NCAM2: variants seen among roughly 807,000 people sequenced by gnomAD.
NCAM2 encodes the protein N-CAM-2.
A neutral mutation model predicts 98.1 loss-of-function variants in NCAM2; 30 were observed. The ratio of observed to expected loss-of-function variants is 0.31; its 90% CI spans 0.23 to 0.41. NCAM2 has a LOEUF of 0.41. NCAM2 is among the 10% of genes least tolerant of loss of function. The pLI is 1.00. For synonymous variants in NCAM2, 368 were observed against 342.4 expected, an observed-to-expected ratio of 1.07 and a Z score of -0.83; for missense variants, 867 against 1,005.8, an observed-to-expected ratio of 0.86 and a Z score of 1.87.
chr21:21,494,117 C>A (rs2146315623), intron 15 of NCAM2, among the ~76,000 whole-genome samples: 1 of 151,884 alleles, frequency 6.6e-6, no homozygotes, highest in Non-Finnish European at 1.5e-5. Flanking sequence ...TACGTATCTT[C>A]TGTGTATTTG....
chr21:21,425,531 C>T (rs953390458), intron 11 of NCAM2, among the ~76,000 whole-genome samples: 3 of 151,828 alleles, frequency 2.0e-5, no homozygotes, highest in African/African-American at 7.3e-5. Context: ...AAATAATTTC[C>T]ATTGATATCT....
chr21:21,226,436 A>G (rs2070386518), intron 1 of NCAM2, among the ~76,000 whole-genome samples: 2 of 152,106 alleles, frequency 1.3e-5, no homozygotes, highest in African/African-American at 4.8e-5. Context: ...AGTAAACACA[A>G]CTAAGAATAA....
chr21:21,056,490 CTGTGTGTGTG>C (rs10685980), intron 1 of NCAM2, among the ~76,000 whole-genome samples: 3 of 138,352 alleles, frequency 2.2e-5, no homozygotes, highest in African/African-American at 8.2e-5. Flanking sequence ...AGAGATATGT[CTGTGTGTGTG>C]TGTGTGTGTG....
intron 8 of NCAM2, among the ~76,000 whole-genome samples, chr21:21,339,074 T>C (rs2074955528): frequency 6.6e-6 from 1 of 152,188 alleles, no homozygotes; most frequent in South Asian, 2.1e-4. Flanking sequence ...ATTAATTTAA[T>C]GTATTTTCTA....
intron 9 of NCAM2, among the ~76,000 whole-genome samples, chr21:21,409,839 G>T (rs896062898): frequency 6.6e-6 from 1 of 152,118 alleles, no homozygotes; most frequent in East Asian, 1.9e-4. Flanking sequence ...GGCTGGGAGC[G>T]GTGGCTCACG....
chr21:21,254,033 T>G (rs181959837), intron 1 of NCAM2, among the ~76,000 whole-genome samples: 2 of 152,276 alleles, frequency 1.3e-5, no homozygotes, highest in East Asian at 3.9e-4. Context: ...ATATAACAAT[T>G]TGTCAAACCA....
chr21:21,031,075 T>A (rs970967522), intron 1 of NCAM2, among the ~76,000 whole-genome samples: 1 of 152,180 alleles, frequency 6.6e-6, no homozygotes, highest in Admixed American at 6.5e-5. Flanking sequence ...ACTTTATTCT[T>A]TTTGAAAAAT....
chr21:21,425,263 A>T (rs1204952628), intron 11 of NCAM2, among the ~76,000 whole-genome samples: 6 of 144,460 alleles, frequency 4.2e-5, no homozygotes, highest in African/African-American at 9.8e-5. Context: ...AAAGTATAAT[A>T]AAAAAAAGTG....
intron 1 of NCAM2, among the ~76,000 whole-genome samples, chr21:21,079,858 C>T (rs142948408): frequency 1.2e-3 from 177 of 152,334 alleles, no homozygotes; most frequent in Non-Finnish European, 8.8e-5. Flanking sequence ...ATACTCAGTG[C>T]TATAACTGTT....
At chr21:21,385,082 A>G (rs2076237687) in intron 9 of NCAM2, among the ~76,000 whole-genome samples, 1 of 151,996 alleles carries the variant, frequency 6.6e-6, no homozygotes, top group Admixed American at 6.6e-5. Context: ...TGTGAAGATT[A>G]TGACACATTT....
intron 16 of NCAM2, among the ~76,000 whole-genome samples, chr21:21,516,616 C>T (rs752927384): frequency 3.3e-5 from 5 of 151,724 alleles, no homozygotes; most frequent in Admixed American, 2.0e-4. Context: ...TCTCTTTTTT[C>T]GAATCTGGCT....
rs947399323 is a variant in NCAM2 at position 21,274,089 on chromosome 21, C to T, written c.56-6489C>T. ...CTTGAGGCAGGAGAATCACTTGAAG[C>T]CCGGAAGCTGAGGTGTGGTGAGCTG... On this transcript the variant is annotated intron_variant, in intron 1 of 17. Coordinates refer to ENST00000400546, the MANE Select transcript of NCAM2 (RefSeq NM_004540.5). Among the ~76,000 whole-genome samples the T allele has an allele frequency of 2.7e-4, 41 of 151,940 alleles. 1 individual carries two copies. The highest frequency in any genetic ancestry group is 3.4e-3 in the Middle Eastern group (1 of 294).
intron 9 of NCAM2, among the ~76,000 whole-genome samples, chr21:21,395,168 T>C (rs1048713507): frequency 6.6e-6 from 1 of 151,856 alleles, no homozygotes; most frequent in African/African-American, 2.4e-5. Flanking sequence ...CCCATCTCTA[T>C]TAAGAATACA....
At chr21:21,302,789 G>A (rs1215580080) in intron 5 of NCAM2, among the ~76,000 whole-genome samples, 2 of 152,008 alleles carry the variant, frequency 1.3e-5, no homozygotes, top group African/African-American at 4.8e-5. Context: ...TACCAAAAAG[G>A]CATAGAGACG....
intron 11 of NCAM2, among the ~76,000 whole-genome samples, chr21:21,425,630 A>G (rs946456331): frequency 1.3e-5 from 2 of 150,098 alleles, no homozygotes; most frequent in Non-Finnish European, 3.0e-5. Context: ...AGTTTAATTC[A>G]TGGATGTATA....
At chr21:21,251,863 G>A (rs1289593816) in intron 1 of NCAM2, among the ~76,000 whole-genome samples, 1 of 151,524 alleles carries the variant, frequency 6.6e-6, no homozygotes, top group Non-Finnish European at 1.5e-5. Flanking sequence ...TGTTCACTCT[G>A]ATGCTAGTTC....
At chr21:21,511,670 C>CTG (rs1365717034) in intron 16 of NCAM2, among the ~76,000 whole-genome samples, 1 of 152,008 alleles carries the variant, frequency 6.6e-6, no homozygotes, top group Non-Finnish European at 1.5e-5. Context: ...AAGCTTCATG[C>CTG]TGTCTTCCAT....
intron 1 of NCAM2, 86 bp from the exon 2 acceptor site, chr21:21,280,492 G>GGACCATGCATTAAAATCTTA (rs2072889403): frequency 1.1e-6 from 1 of 881,232 alleles, no homozygotes; most frequent in Non-Finnish European, 1.7e-6. Flanking sequence ...ATCAGCGTTT[G>GGACCATGCATTAAAATCTTA]GACCATGTGG....
At chr21:21,045,085 G>T (rs2064982518) in intron 1 of NCAM2, among the ~76,000 whole-genome samples, 1 of 151,998 alleles carries the variant, frequency 6.6e-6, no homozygotes, top group African/African-American at 2.4e-5. Flanking sequence ...AAATCATCCA[G>T]TTTGATGTAT....
Sources: allele counts gnomAD v4.1 joint callset (sites outside exome capture counted in the v4.1 genomes callset), GRCh38; gene constraint gnomAD v4.1.1; transcripts MANE v1.5; gene names NCBI Gene and HGNC (gene_info 2026-07-23, HGNC 2026-07-21).